FBXL7: variants seen among roughly 807,000 people sequenced by gnomAD.
FBXL7 encodes F-box/LRR-repeat protein 7.
Under a neutral mutation model 38.3 loss-of-function variants are expected in FBXL7, and 12 were observed. The ratio of observed to expected loss-of-function variants is 0.31; its 90% confidence interval spans 0.20 to 0.51. The LOEUF is 0.51. Ranked by LOEUF, FBXL7 falls within the 20% of genes least tolerant of loss-of-function variation. The pLI is 0.98. For missense variants in FBXL7, 567 were observed against 676.4 expected, an observed-to-expected ratio of 0.84 and a Z score of 1.79; for synonymous variants, 297 against 300.9, an observed-to-expected ratio of 0.99 and a Z score of 0.13.
At chr5:15,516,133 C>T (rs936696380) in intron 1 of FBXL7, among the ~76,000 whole-genome samples, 32 of 152,232 alleles carry the variant, frequency 2.1e-4, no homozygotes, top group Non-Finnish European at 4.7e-4. Flanking sequence ...GTGCCAGATT[C>T]TCTTTCTTTC....
intron 1 of FBXL7, among the ~76,000 whole-genome samples, chr5:15,599,075 T>G (rs1739711498): frequency 6.6e-6 from 1 of 152,192 alleles, no homozygotes; most frequent in Non-Finnish European, 1.5e-5. Flanking sequence ...TGCCTACTGG[T>G]GGACGTGATC....
intron 1 of FBXL7, among the ~76,000 whole-genome samples, chr5:15,563,029 T>A (rs1282481452): frequency 6.6e-6 from 1 of 152,148 alleles, no homozygotes; most frequent in African/African-American, 2.4e-5. Flanking sequence ...AACTTACTTA[T>A]CTTTTCTTCT....
intron 1 of FBXL7, chr5:15,501,543 C>T (rs1421870522): frequency 1.3e-5 from 13 of 985,408 alleles, no homozygotes; most frequent in Non-Finnish European, 1.6e-5. Flanking sequence ...GTCTAGTGGT[C>T]TTGGCTGAAG....
chr5:15,526,941 C>T (rs1385590908), intron 1 of FBXL7, among the ~76,000 whole-genome samples: 2 of 152,282 alleles, frequency 1.3e-5, no homozygotes, highest in Middle Eastern at 3.4e-3. Context: ...TCGGGCTCTC[C>T]GTGTCATTCA....
chr5:15,500,839 G>C, intron 1 of FBXL7, 126 bp downstream of exon 1: 1 of 1,152,568 alleles, frequency 8.7e-7, no homozygotes, highest in Non-Finnish European at 1.3e-6. Context: ...CCCTGTCTGG[G>C]TCACCACCTT....
intron 2 of FBXL7, among the ~76,000 whole-genome samples, chr5:15,710,235 G>C (rs1390555540): frequency 6.6e-6 from 1 of 152,134 alleles, no homozygotes; most frequent in Non-Finnish European, 1.5e-5. Flanking sequence ...ACATATGGCT[G>C]AGCCACGCAC....
chr5:15,562,581 G>A lies in FBXL7; in HGVS notation c.38-53402G>A, dbSNP rs1321618451. On this transcript the variant is annotated intron_variant, in intron 1 of 3. Transcript: ENST00000504595. ...CATTATATTCATGAGAATTGCCCAT[G>A]TTGCAGCCTGTAGCTATAGTTCTTT... Among the ~76,000 whole-genome samples, 4 of 152,084 alleles carry A rather than the reference G, an allele frequency of 2.6e-5. No individual in the cohort carries two copies. In the South Asian group the frequency reaches 8.3e-4, roughly 32 times the overall value.
In FBXL7 at chr5:15,505,641, T is replaced by G. The variant is rs1736622826; in HGVS notation, c.37+4928T>G. ...GCTAAGGTCCCTGAATAAAGAAAAT[T>G]GTCAGATTAAGATGATTGGGAATAT... On this transcript the variant is annotated intron_variant, in intron 1 of 3. Coordinates refer to ENST00000504595, the MANE Select transcript of FBXL7 (RefSeq NM_012304.5). 2.0e-5 allele frequency among the ~76,000 whole-genome samples: 3 copies of G among 152,042 alleles called. No individual in the cohort carries two copies. The South Asian group carries it at 6.2e-4, about 32-fold the overall frequency.
chr5:15,542,441 G>A (rs1737780814), intron 1 of FBXL7, among the ~76,000 whole-genome samples: 1 of 152,078 alleles, frequency 6.6e-6, no homozygotes, highest in South Asian at 2.1e-4. Flanking sequence ...TTTCCTATGA[G>A]CATTCTTCTA....
intron 3 of FBXL7, among the ~76,000 whole-genome samples, chr5:15,930,541 GA>G (rs1370356677): frequency 6.6e-6 from 1 of 152,146 alleles, no homozygotes; most frequent in African/African-American, 2.4e-5. Context: ...TGCTATTTGG[GA>G]ATGGAAATTC....
chr5:15,795,994 T>A (rs1037782739), intron 2 of FBXL7, among the ~76,000 whole-genome samples: 1 of 152,232 alleles, frequency 6.6e-6, no homozygotes, highest in African/African-American at 2.4e-5. Context: ...TATTTTGTCC[T>A]ATATATTTCA....
intron 2 of FBXL7, among the ~76,000 whole-genome samples, chr5:15,890,623 C>CT (rs1416365968): frequency 1.1e-4 from 16 of 152,126 alleles, no homozygotes; most frequent in African/African-American, 3.6e-4. Flanking sequence ...TTATGAGACT[C>CT]TAATTCCTGA....
chr5:15,937,179 T>C lies in FBXL7; in HGVS notation c.1469T>C (p.Phe490Ser), dbSNP rs1241181786. Reference protein sequence around the residue: ...RCVIEHTNPAFF With the variant: ...RCVIEHTNPASF The stretch of plus-strand genomic sequence containing the variant: ...GTCATCGAGCACACCAACCCGGCTT[T>C]CTTCTGAAGGGACAGAGTTCATCCG... The change falls in exon 4 of 4, where the codon TTC (phenylalanine) becomes TCC (serine). Residue 490 changes from phenylalanine (F) to serine (S), a missense_variant. Coordinates refer to ENST00000504595, the MANE Select transcript of FBXL7 (RefSeq NM_012304.5). The C allele has an allele frequency of 6.3e-7, 1 of 1,588,052 alleles. No homozygotes were observed. The highest frequency in any genetic ancestry group is 2.3e-5 in the East Asian group (1 of 44,138).
Position 15,616,076 on chromosome 5 carries a change from G to T in FBXL7, c.127+4G>T. 1 of 1,604,442 alleles carries T rather than the reference G, an allele frequency of 6.2e-7. No individual in the cohort carries two copies. The highest frequency in any genetic ancestry group is 8.5e-7 in the Non-Finnish European group (1 of 1,172,120). Reference sequence around the variant, plus strand: ...AAGAATGTGGCTACCAGCGAAGGTAGGCAGCTGGTCTTCATTATCTCTCTT... The same window carrying T: ...AAGAATGTGGCTACCAGCGAAGGTATGCAGCTGGTCTTCATTATCTCTCTT... On this transcript the variant is annotated splice_donor_region_variant and intron_variant, in intron 2 of 3. Transcript: ENST00000504595.
At chr5:15,702,809 G>A (rs937748269) in intron 2 of FBXL7, among the ~76,000 whole-genome samples, 9 of 152,126 alleles carry the variant, frequency 5.9e-5, no homozygotes, top group African/African-American at 2.2e-4. Flanking sequence ...TCACCTGGGT[G>A]CAGGCGAGCT....
At chr5:15,876,881 G>A (rs1740232678) in intron 2 of FBXL7, among the ~76,000 whole-genome samples, 1 of 152,204 alleles carries the variant, frequency 6.6e-6, no homozygotes. Context: ...AGCCCTACTA[G>A]TGGGAGATGG....
intron 2 of FBXL7, among the ~76,000 whole-genome samples, chr5:15,863,847 C>T (rs917776292): frequency 3.5e-4 from 54 of 152,284 alleles, no homozygotes; most frequent in African/African-American, 1.3e-3. Context: ...GGGTCCTCCT[C>T]GCCTTCCACC....
chr5:15,714,098 A>G (rs578048322), intron 2 of FBXL7, among the ~76,000 whole-genome samples: 14 of 152,156 alleles, frequency 9.2e-5, no homozygotes, highest in Non-Finnish European at 1.9e-4. Flanking sequence ...GGTGGACCCA[A>G]TGTGATATGG....
chr5:15,795,155 C>T (rs1737382738), intron 2 of FBXL7, among the ~76,000 whole-genome samples: 2 of 152,126 alleles, frequency 1.3e-5, no homozygotes, highest in Non-Finnish European at 2.9e-5. Flanking sequence ...TTTCTATAGC[C>T]TTCTCTTCCT....
Sources: gnomAD v4.1 joint callset for allele counts (sites outside exome capture counted in the v4.1 genomes callset) on GRCh38, gnomAD v4.1.1 for gene constraint, MANE v1.5 for transcripts, NCBI Gene and HGNC (gene_info 2026-07-23, HGNC 2026-07-21) for gene names.